The following PSME3 variants were observed in gnomAD, a reference collection of about 807,000 sequenced individuals.
The protein encoded by PSME3 is proteasome activator subunit 3, also known as proteasome activator complex subunit 3.
A neutral mutation model predicts 38.3 loss-of-function variants in PSME3; 7 were observed. The ratio of observed to expected loss-of-function variants is 0.18; its 90% CI spans 0.10 to 0.34. The LOEUF is 0.34. PSME3 is among the 10% of genes least tolerant of loss of function. PSME3 has a pLI of 1.00. For synonymous variants in PSME3, 108 were observed against 105.7 expected, an observed-to-expected ratio of 1.02 and a Z score of -0.13; for missense variants, 192 against 307.6, an observed-to-expected ratio of 0.62 and a Z score of 2.81.
At position 42,834,480 on chromosome 17, in the gene PSME3, G is replaced by T. The variant is rs28405594; in HGVS notation, c.76-35G>T. ...AGAGAGAGAGAGAGACCTTCCCACA[G>T]ATATTAATTCAGCTGTATTTTCCCT... On this transcript the variant is annotated intron_variant, in intron 2 of 10. Coordinates refer to ENST00000590720, the MANE Select transcript of PSME3 (RefSeq NM_005789.4). The T allele has an allele frequency of 1.8e-3, 2,892 of 1,601,724 alleles. 51 individuals are homozygous for T. The African/African-American group carries it at 0.035, about 19-fold the overall frequency.
rs1292267906 is a variant in PSME3 at position 42,841,804 on chromosome 17, C to T, written c.*226C>T. 2.6e-6 allele frequency: 1 copy of T among 382,746 alleles called. No individual in the cohort carries two copies. The highest frequency in any genetic ancestry group is 4.7e-6 in the Non-Finnish European group (1 of 213,436). 23.7% of individuals were successfully genotyped at this position (382,746 alleles called of 1,614,324 possible). On this transcript the variant is annotated 3_prime_UTR_variant, in exon 11 of 11. Transcript: ENST00000590720. Reference sequence around the variant, plus strand: ...TCCTTCCCTAATACCCCACACCCAACCTGTCGTAATTTCTGGAGAACTCCA... The same window carrying T: ...TCCTTCCCTAATACCCCACACCCAATCTGTCGTAATTTCTGGAGAACTCCA...
chr17:42,834,907 T>C, intron 4 of PSME3, 31 bp downstream of exon 4: 1 of 1,612,154 alleles, frequency 6.2e-7, no homozygotes, highest in Non-Finnish European at 8.5e-7. Flanking sequence ...TTTGTGTTCT[T>C]GAGCAGTAGG....
At position 42,841,660 on chromosome 17, in the gene PSME3, G is replaced by A. The variant is rs905154424; in HGVS notation, c.*82G>A. 3 of 924,850 alleles carry A rather than the reference G, an allele frequency of 3.2e-6. No individual in the cohort carries two copies. The African/African-American group carries it at 5.1e-5, about 16-fold the overall frequency. The allele number at this position is 924,850 out of a possible 1,614,324, so 57.3% of individuals were successfully genotyped here. A position where few individuals can be genotyped will look rare whatever the true frequency, so the allele number is the denominator to read the frequency against. Reference sequence around the variant, plus strand: ...GGTTTGTTACATGACTATCGTGATGGGGAAACTGGCTGGAAATAGTAATCA... The same window carrying A: ...GGTTTGTTACATGACTATCGTGATGAGGAAACTGGCTGGAAATAGTAATCA... On this transcript the variant is annotated 3_prime_UTR_variant, in exon 11 of 11. Coordinates refer to ENST00000590720, the MANE Select transcript of PSME3 (RefSeq NM_005789.4).
chr17:42,833,847 G>A, intron 1 of PSME3, 174 bp downstream of exon 1: 1 of 1,520,860 alleles, frequency 6.6e-7, no homozygotes, highest in Middle Eastern at 1.7e-4. Context: ...GAAAATATAG[G>A]ATGGCTTTCT....
chr17:42,834,975 G>A (rs1023304019), intron 4 of PSME3, 99 bp downstream of exon 4: 12 of 1,526,046 alleles, frequency 7.9e-6, no homozygotes, highest in Non-Finnish European at 1.1e-5. Context: ...AGTGGGATTT[G>A]GATCTGGGAA....
chr17:42,838,676 T>C (rs1171906368), intron 6 of PSME3, 55 bp from the exon 7 acceptor site: 2 of 1,516,728 alleles, frequency 1.3e-6, no homozygotes, highest in East Asian at 2.3e-5. Flanking sequence ...CTGAATTGTG[T>C]ACTTCATGGC....
At position 42,835,922 on chromosome 17, in the gene PSME3, A is replaced by G. The variant is rs983640736; in HGVS notation, c.243+1046A>G. ...ATCAGTCATGTGTCCACATGCTACTATAACACTGATGATACCGTATTGTTG... is the reference window on the plus strand; with the variant it reads ...ATCAGTCATGTGTCCACATGCTACTGTAACACTGATGATACCGTATTGTTG... On this transcript the variant is annotated intron_variant, in intron 4 of 10. Transcript: ENST00000590720. Among the ~76,000 whole-genome samples, 10 of 152,100 alleles carry G rather than the reference A, an allele frequency of 6.6e-5. No homozygotes were observed. The East Asian group carries it at 7.7e-4, about 12-fold the overall frequency.
At chr17:42,840,142 G>C (rs2144256509) in intron 10 of PSME3, among the ~76,000 whole-genome samples, 1 of 151,738 alleles carries the variant, frequency 6.6e-6, no homozygotes, top group South Asian at 2.1e-4. Flanking sequence ...ATTTAGCCGG[G>C]CGTGGCGGCA....
In PSME3 at chr17:42,843,288, T is replaced by C. The variant is rs1338098025; in HGVS notation, c.*1710T>C. 1 of 152,768 alleles carries C rather than the reference T, an allele frequency of 6.5e-6. No homozygotes were observed. Among genetic ancestry groups the C allele is most frequent in the Non-Finnish European group, 1.5e-5 (1 of 68,040 alleles). The allele number at this position is 152,768 out of a possible 1,614,324, so 9.5% of individuals were successfully genotyped here. A position where few individuals can be genotyped will look rare whatever the true frequency, so the allele number is the denominator to read the frequency against. Reference sequence around the variant, plus strand: ...GCTCTGGTGGCTAGGGATGTACTCATGCTCATATGTGTGCACGCTTGGACA... The same window carrying C: ...GCTCTGGTGGCTAGGGATGTACTCACGCTCATATGTGTGCACGCTTGGACA... On this transcript the variant is annotated 3_prime_UTR_variant, in exon 11 of 11. Transcript: ENST00000590720.
chr17:42,834,348 ATTCT>A lies in PSME3; in HGVS notation c.51_54del (p.Phe18GlyfsTer21). 1 of 1,613,992 alleles carries A rather than the reference ATTCT, an allele frequency of 6.2e-7. No individual in the cohort carries two copies. Among genetic ancestry groups the A allele is most frequent in the Non-Finnish European group, 8.5e-7 (1 of 1,180,016 alleles). On this transcript the variant is annotated frameshift_variant, in exon 2 of 11. Coordinates refer to ENST00000590720, the MANE Select transcript of PSME3 (RefSeq NM_005789.4). LOFTEE classifies it high-confidence loss of function. ...TGCTCTCTTTGTTAATTTTAGGTTG[ATTCT>A]TTCAGGGAGCGGATCACAAGTGAGG...
chr17:42,840,264 C>T (rs2055515524), intron 10 of PSME3, among the ~76,000 whole-genome samples: 1 of 151,550 alleles, frequency 6.6e-6, no homozygotes, highest in Admixed American at 6.6e-5. Flanking sequence ...GCCTGGGCAA[C>T]AAGAGCGAAA....
intron 4 of PSME3, among the ~76,000 whole-genome samples, chr17:42,835,109 C>T (rs1436005331): frequency 6.6e-6 from 1 of 151,624 alleles, no homozygotes; most frequent in Non-Finnish European, 1.5e-5. Context: ...GGGAATGCTG[C>T]TCACTGCAGC....
chr17:42,837,766 A>T (rs2055480955), intron 5 of PSME3, 69 bp downstream of exon 5: 1 of 1,521,294 alleles, frequency 6.6e-7, no homozygotes, highest in African/African-American at 1.4e-5. Flanking sequence ...AGCAGGATGG[A>T]TCTAGTGTTC....
intron 4 of PSME3, among the ~76,000 whole-genome samples, chr17:42,836,651 C>A (rs1715817134): frequency 6.6e-6 from 1 of 152,082 alleles, no homozygotes; most frequent in African/African-American, 2.4e-5. Context: ...CCTCAAACTC[C>A]TGGGTTCAAG....
At chr17:42,836,599 A>C (rs930643137) in intron 4 of PSME3, among the ~76,000 whole-genome samples, 1 of 151,934 alleles carries the variant, frequency 6.6e-6, no homozygotes, top group African/African-American at 2.4e-5. Flanking sequence ...TCACTCTGTC[A>C]CCCAGGTTGG....
chr17:42,839,271 T>C lies in PSME3; in HGVS notation c.598-23T>C, dbSNP rs562160281. On this transcript the variant is annotated intron_variant, in intron 9 of 10. Transcript: ENST00000590720. ...AAACAATTGGGCTTTGGGGACTAGC[T>C]TTTTCCTGTACCCTCCTTGCAGGAG... 3.1e-6 allele frequency: 5 copies of C among 1,603,134 alleles called. No individual in the cohort carries two copies. In the South Asian group the frequency reaches 4.4e-5, roughly 14 times the overall value.
At chr17:42,834,619 G>T in intron 3 of PSME3, 42 bp downstream of exon 3, 11 of 1,610,870 alleles carry the variant, frequency 6.8e-6, no homozygotes, top group Non-Finnish European at 9.3e-6. Context: ...CAATTTTTTT[G>T]GCCCTGGTAT....
In PSME3 at chr17:42,842,521, CCAGTTTT is replaced by C. The variant is rs1247227265; in HGVS notation, c.*949_*955del. On this transcript the variant is annotated 3_prime_UTR_variant, in exon 11 of 11. Coordinates refer to ENST00000590720, the MANE Select transcript of PSME3 (RefSeq NM_005789.4). ...TTGACTCCTGGTTGCCTTTTCCCAG[CCAGTTTT>C]CAGTTGGGGTGAAGGTTTCTGCAAG... The C allele has an allele frequency of 6.5e-6, 1 of 152,868 alleles. No individual in the cohort carries two copies. Among genetic ancestry groups the C allele is most frequent in the Non-Finnish European group, 1.5e-5 (1 of 68,046 alleles). The allele number at this position is 152,868 out of a possible 1,614,324, so 9.5% of individuals were successfully genotyped here. A position where few individuals can be genotyped will look rare whatever the true frequency, so the allele number is the denominator to read the frequency against.
chr17:42,833,706 G>T, intron 1 of PSME3, 33 bp downstream of exon 1: 2 of 1,614,176 alleles, frequency 1.2e-6, no homozygotes, highest in Non-Finnish European at 8.5e-7. Flanking sequence ...TTTGCCCCTC[G>T]CTTTGATCCC....
Sources: gnomAD v4.1 joint callset for allele counts (sites outside exome capture counted in the v4.1 genomes callset) on GRCh38, gnomAD v4.1.1 for gene constraint, MANE v1.5 for transcripts, NCBI Gene and HGNC (gene_info 2026-07-23, HGNC 2026-07-21) for gene names.